Variants in PPP1R14C observed in about 807,000 individuals in gnomAD.
PPP1R14C encodes the protein protein phosphatase 1 regulatory subunit 14C.
PPP1R14C carries 16 observed loss-of-function variants against 20.4 expected under a neutral mutation model. The ratio of observed to expected loss-of-function variants is 0.78; its 90% CI spans 0.53 to 1.19. The LOEUF is 1.19. Among genes scored for constraint, PPP1R14C ranks in the 50% most tolerant of loss-of-function variants. The probability of loss-of-function intolerance (pLI) is 0.00; values close to 1 mark genes in which losing one functional copy is unlikely to be tolerated. For synonymous variants in PPP1R14C, 91 were observed against 91.0 expected (o/e 1.00, Z 0.00); for missense variants, 211 against 220.1 (o/e 0.96, Z 0.26).
chr6:150,183,891 G>C (rs1777649016), intron 1 of PPP1R14C, among the ~76,000 whole-genome samples: 1 of 152,212 alleles, frequency 6.6e-6, no homozygotes, highest in South Asian at 2.1e-4. Context: ...ATATTTATAA[G>C]CATGTTTATT....
intron 1 of PPP1R14C, among the ~76,000 whole-genome samples, chr6:150,176,481 C>T (rs1582904748): frequency 6.6e-6 from 1 of 152,206 alleles, no homozygotes; most frequent in East Asian, 1.9e-4. Context: ...AGAGAAGGAA[C>T]ATCTTGTTGC....
chr6:150,158,184 A>G (rs1379053119), intron 1 of PPP1R14C, among the ~76,000 whole-genome samples: 3 of 152,214 alleles, frequency 2.0e-5, no homozygotes, highest in African/African-American at 4.8e-5. Flanking sequence ...AGCTCAGAAT[A>G]TTTATGAAAG....
intron 3 of PPP1R14C, among the ~76,000 whole-genome samples, chr6:150,225,397 A>T (rs1778219701): frequency 6.6e-6 from 1 of 152,166 alleles, no homozygotes; most frequent in South Asian, 2.1e-4. Flanking sequence ...CAATTTGTCA[A>T]TTCCAGTTCA....
intron 1 of PPP1R14C, among the ~76,000 whole-genome samples, chr6:150,177,201 G>A (rs1488862954): frequency 1.3e-5 from 2 of 152,148 alleles, no homozygotes; most frequent in African/African-American, 4.8e-5. Context: ...GCACCGTGTG[G>A]CCATTTGAAA....
intron 1 of PPP1R14C, among the ~76,000 whole-genome samples, chr6:150,162,409 GC>G: frequency 1.3e-5 from 2 of 152,118 alleles, no homozygotes. Context: ...CTATCGTTTT[GC>G]CTTTTCCAGT....
intron 1 of PPP1R14C, among the ~76,000 whole-genome samples, chr6:150,182,878 G>A (rs1047755509): frequency 6.6e-6 from 1 of 152,150 alleles, no homozygotes; most frequent in Non-Finnish European, 1.5e-5. Context: ...AGGTTCTATG[G>A]CACAGCCTAT....
rs773959565 is a variant in PPP1R14C, at chr6:150,248,729, C to T, written c.424-17C>T. ...TTAATAGTGACCCTCATATTAACTT[C>T]TTCTGATCTCTTTTAGGAATTTATC... is the stretch of plus-strand genomic sequence containing the variant. On this transcript the variant is annotated splice_polypyrimidine_tract_variant and intron_variant, in intron 3 of 3. Transcript: ENST00000361131. 4.8e-5 allele frequency: 75 copies of T among 1,576,298 alleles called. No individual in the cohort carries two copies. The highest frequency in any genetic ancestry group is 1.5e-4 in the Admixed American group (9 of 59,492).
chr6:150,187,361 TG>T (rs1431476454), intron 1 of PPP1R14C, among the ~76,000 whole-genome samples: 1 of 151,952 alleles, frequency 6.6e-6, no homozygotes, highest in East Asian at 1.9e-4. Context: ...TGTAAATTTT[TG>T]TTATGGGAGT....
At chr6:150,207,159 G>A (rs1464769188) in intron 1 of PPP1R14C, among the ~76,000 whole-genome samples, 5 of 152,098 alleles carry the variant, frequency 3.3e-5, no homozygotes, top group Non-Finnish European at 7.4e-5. Context: ...CACTGTGCCC[G>A]GCCTATTTTG....
intron 3 of PPP1R14C, among the ~76,000 whole-genome samples, chr6:150,240,130 AC>A (rs1334307461): frequency 6.6e-6 from 1 of 152,164 alleles, no homozygotes; most frequent in Admixed American, 6.5e-5. Flanking sequence ...AAAGGTCAAT[AC>A]AATTGATAAA....
At chr6:150,163,673 G>T (rs562129666) in intron 1 of PPP1R14C, among the ~76,000 whole-genome samples, 1 of 152,188 alleles carries the variant, frequency 6.6e-6, no homozygotes, top group South Asian at 2.1e-4. Flanking sequence ...AGATGTGTGA[G>T]ATACACCCAC....
At chr6:150,206,872 G>GTT (rs397962811) in intron 1 of PPP1R14C, among the ~76,000 whole-genome samples, 2,054 of 146,646 alleles carry the variant, frequency 0.014, 43 homozygotes, top group African/African-American at 0.048. Flanking sequence ...TTCTGTTTTT[G>GTT]TTTTTTTTTT....
chr6:150,190,113 C>T (rs1436129194), intron 1 of PPP1R14C, among the ~76,000 whole-genome samples: 1 of 152,120 alleles, frequency 6.6e-6, no homozygotes, highest in African/African-American at 2.4e-5. Context: ...CTTTCTTATC[C>T]TTCTGCATGC....
intron 3 of PPP1R14C, among the ~76,000 whole-genome samples, chr6:150,223,823 G>T (rs1778197849): frequency 6.6e-6 from 1 of 152,012 alleles, no homozygotes; most frequent in Non-Finnish European, 1.5e-5. Flanking sequence ...TCTTGACAGG[G>T]TGTTTCACAA....
At chr6:150,163,749 C>G (rs1007592408) in intron 1 of PPP1R14C, among the ~76,000 whole-genome samples, 4 of 152,234 alleles carry the variant, frequency 2.6e-5, no homozygotes, top group African/African-American at 9.6e-5. Context: ...TGTGAATACA[C>G]CACAGTTGTT....
At chr6:150,243,467 G>A (rs149767487) in intron 3 of PPP1R14C, among the ~76,000 whole-genome samples, 340 of 151,988 alleles carry the variant, frequency 2.2e-3, no homozygotes, top group African/African-American at 7.7e-3. Flanking sequence ...CATGAGCCAC[G>A]GCACCCAGCC....
intron 1 of PPP1R14C, among the ~76,000 whole-genome samples, chr6:150,170,613 C>T (rs539535488): frequency 1.3e-5 from 2 of 152,212 alleles, no homozygotes; most frequent in South Asian, 2.1e-4. Flanking sequence ...TGAGCCACTG[C>T]GCCCGGCTGC....
chr6:150,226,740 C>T (rs1778235102), intron 3 of PPP1R14C, among the ~76,000 whole-genome samples: 1 of 151,950 alleles, frequency 6.6e-6, no homozygotes, highest in Non-Finnish European at 1.5e-5. Context: ...TTGATAGAAC[C>T]TATCATTGTA....
chr6:150,194,278 C>T (rs1456712993), intron 1 of PPP1R14C, among the ~76,000 whole-genome samples: 1 of 152,162 alleles, frequency 6.6e-6, no homozygotes, highest in East Asian at 1.9e-4. Flanking sequence ...CTCTAAATCC[C>T]TCTTCCATTT....
Sources: gnomAD v4.1 joint callset for allele counts (sites outside exome capture counted in the v4.1 genomes callset) on GRCh38, gnomAD v4.1.1 for gene constraint, MANE v1.5 for transcripts, NCBI Gene and HGNC (gene_info 2026-07-23, HGNC 2026-07-21) for gene names.